Variants in PLCE1 observed in about 807,000 individuals in gnomAD.
The protein encoded by PLCE1 is 1-phosphatidylinositol 4,5-bisphosphate phosphodiesterase epsilon-1.
Under a neutral mutation model 242.8 loss-of-function variants are expected in PLCE1, and 119 were observed. The ratio of observed to expected loss-of-function variants is 0.49; its 90% CI spans 0.42 to 0.57. The LOEUF (loss-of-function observed/expected upper bound fraction) is 0.57, where lower values mean the gene tolerates loss of function less well. PLCE1 is among the 20% of genes least tolerant of loss of function. PLCE1 has a pLI of 0.00. For synonymous variants in PLCE1, 945 were observed against 1,017.4 expected, an observed-to-expected ratio of 0.93 and a Z score of 1.35; for missense variants, 2,441 against 2,788.8, an observed-to-expected ratio of 0.88 and a Z score of 2.81.
intron 4 of PLCE1, among the ~76,000 whole-genome samples, chr10:94,212,724 T>C (rs1472833794): frequency 6.6e-6 from 1 of 152,234 alleles, no homozygotes; most frequent in Non-Finnish European, 1.5e-5. Context: ...TAATACTTAA[T>C]ATCTGGGTAG....
chr10:94,170,194 A>G, intron 3 of PLCE1, among the ~76,000 whole-genome samples: 1 of 152,190 alleles, frequency 6.6e-6, no homozygotes, highest in East Asian at 1.9e-4. Flanking sequence ...TATTTCCAGG[A>G]AGAGAATGAG....
chr10:94,192,938 T>C (rs530422951), intron 4 of PLCE1, among the ~76,000 whole-genome samples: 11 of 152,324 alleles, frequency 7.2e-5, no homozygotes, highest in African/African-American at 2.2e-4. Flanking sequence ...TATTTTGCGA[T>C]AGGTGAAAAT....
Position 94,330,983 on chromosome 10 carries a change from A to G in PLCE1, c.*3040A>G, listed in dbSNP as rs767613712. 6.6e-6 allele frequency: 1 copy of G among 152,228 alleles called. No homozygotes were observed. Among genetic ancestry groups the G allele is most frequent in the Non-Finnish European group, 1.5e-5 (1 of 68,036 alleles). The allele number at this position is 152,228 out of a possible 1,614,324, so 9.4% of individuals were successfully genotyped here. A position where few individuals can be genotyped will look rare whatever the true frequency, so the allele number is the denominator to read the frequency against. ...TCATTACAAAATTTTAAGAAGCATC[A>G]CTGAAAGTGAAGAGAAAGGAGCATG... On this transcript the variant is annotated 3_prime_UTR_variant, in exon 33 of 33. Transcript: ENST00000371380.
chr10:94,162,386 A>C (rs918965099), intron 3 of PLCE1, among the ~76,000 whole-genome samples: 3 of 152,056 alleles, frequency 2.0e-5, no homozygotes, highest in Non-Finnish European at 4.4e-5. Flanking sequence ...TAGTCTTGGG[A>C]GGGTGTATGT....
chr10:94,220,337 C>T (rs527396580), intron 4 of PLCE1, among the ~76,000 whole-genome samples: 1 of 123,386 alleles, frequency 8.1e-6, no homozygotes, highest in African/African-American at 3.1e-5. Context: ...AGAGAGACTC[C>T]ATTTCTAAAA....
chr10:94,323,020 C>T (rs1205421358), intron 30 of PLCE1, among the ~76,000 whole-genome samples: 1 of 152,134 alleles, frequency 6.6e-6, no homozygotes. Flanking sequence ...TCAACAGACA[C>T]TTAGTATCTA....
intron 3 of PLCE1, among the ~76,000 whole-genome samples, chr10:94,143,552 G>T (rs951409081): frequency 7.9e-5 from 12 of 152,118 alleles, no homozygotes; most frequent in Admixed American, 2.0e-4. Flanking sequence ...TAACATGTGG[G>T]TCAGTAGCAA....
At chr10:94,318,908 C>T (rs1003352043) in intron 29 of PLCE1, among the ~76,000 whole-genome samples, 1 of 152,096 alleles carries the variant, frequency 6.6e-6, no homozygotes, top group Non-Finnish European at 1.5e-5. Context: ...ATTAGCAGGG[C>T]GTGGTAGCAG....
Position 94,246,489 on chromosome 10 carries a change from C to T in PLCE1, c.2964C>T (p.Phe988=), listed in dbSNP as rs750756493. The T allele has an allele frequency of 6.3e-5, 101 of 1,614,050 alleles. No homozygotes were observed. Among genetic ancestry groups the T allele is most frequent in the South Asian group, 1.8e-4 (16 of 91,090 alleles). The change falls in exon 8 of 33, where the codon TTC becomes TTT. Residue 988 remains phenylalanine (F), a synonymous_variant. Coordinates refer to ENST00000371380, the MANE Select transcript of PLCE1 (RefSeq NM_016341.4). Reference sequence around the variant, plus strand: ...CCACAGACAACAGATTATTGCACTTCGTGGCACCAAAGCACACAGCTAAAA... The same window carrying T: ...CCACAGACAACAGATTATTGCACTTTGTGGCACCAAAGCACACAGCTAAAA... The part of the protein sequence containing the change: ...LQTTDNRLLH[F]VAPKHTAKML...
intron 2 of PLCE1, among the ~76,000 whole-genome samples, chr10:94,065,242 C>T (rs530617509): frequency 9.5e-4 from 145 of 152,308 alleles, no homozygotes; most frequent in Non-Finnish European, 2.0e-3. Flanking sequence ...TTTCAACTGT[C>T]CACCAATTTG....
At chr10:94,091,486 G>A (rs1276455669) in intron 2 of PLCE1, among the ~76,000 whole-genome samples, 1 of 152,080 alleles carries the variant, frequency 6.6e-6, no homozygotes, top group Non-Finnish European at 1.5e-5. Flanking sequence ...AGAGGGGAGA[G>A]AAAGATAACT....
At chr10:94,248,801 C>T (rs1215963407) in intron 8 of PLCE1, among the ~76,000 whole-genome samples, 1 of 152,156 alleles carries the variant, frequency 6.6e-6, no homozygotes, top group African/African-American at 2.4e-5. Context: ...ATTACAATTC[C>T]TGTCACAAAG....
At chr10:94,279,154 A>C (rs2052090262) in intron 19 of PLCE1, 1 of 155,646 alleles carries the variant, frequency 6.4e-6, no homozygotes, top group African/African-American at 2.4e-5. Context: ...CCAGACCTGT[A>C]CTGATGCTTA....
intron 7 of PLCE1, 25 bp from the exon 8 acceptor site, chr10:94,245,921 C>T (rs748799085): frequency 3.7e-6 from 6 of 1,602,290 alleles, no homozygotes; most frequent in Middle Eastern, 1.7e-4. Flanking sequence ...ATAAGACAAA[C>T]CAAATTGGTG....
intron 2 of PLCE1, among the ~76,000 whole-genome samples, chr10:94,034,496 TTAATCCAGGCAGCTGA>T (rs1256693667): frequency 6.6e-6 from 1 of 152,192 alleles, no homozygotes; most frequent in African/African-American, 2.4e-5. Flanking sequence ...TAACTAAGAT[TTAATCCAGGCAGCTGA>T]CACTCCTAGG....
At chr10:94,309,329 TC>T (rs2053308425) in intron 27 of PLCE1, among the ~76,000 whole-genome samples, 1 of 151,856 alleles carries the variant, frequency 6.6e-6, no homozygotes. Flanking sequence ...TTTTTTTTTT[TC>T]CAGAGACAGT....
At chr10:94,281,527 A>G (rs1000786237) in intron 20 of PLCE1, among the ~76,000 whole-genome samples, 9 of 152,180 alleles carry the variant, frequency 5.9e-5, no homozygotes, top group Non-Finnish European at 1.2e-4. Context: ...TGTATTTTTA[A>G]CAATCCACAT....
intron 14 of PLCE1, among the ~76,000 whole-genome samples, chr10:94,264,027 A>G (rs2051411670): frequency 6.6e-6 from 1 of 152,182 alleles, no homozygotes; most frequent in African/African-American, 2.4e-5. Flanking sequence ...GTGGGAATAT[A>G]GCAGAGAATA....
At chr10:94,181,791 A>T (rs2048320047) in intron 4 of PLCE1, among the ~76,000 whole-genome samples, 1 of 151,590 alleles carries the variant, frequency 6.6e-6, no homozygotes, top group Non-Finnish European at 1.5e-5. Flanking sequence ...GGTGGTGCAT[A>T]CCTGTAGTTC....
Sources: allele counts gnomAD v4.1 joint callset (sites outside exome capture counted in the v4.1 genomes callset), GRCh38; gene constraint gnomAD v4.1.1; transcripts MANE v1.5; gene names NCBI Gene and HGNC (gene_info 2026-07-23, HGNC 2026-07-21).